Variants in GALNT3 observed in about 807,000 individuals in gnomAD.
GALNT3 encodes polypeptide N-acetylgalactosaminyltransferase 3, also known as GalNAc transferase 3.
In GALNT3, 51 loss-of-function variants were observed where a neutral mutation model predicts 69.8. The observed-to-expected ratio is 0.73, with a 90% CI of 0.58 to 0.92. The LOEUF is 0.92. Among genes scored for constraint, GALNT3 ranks in the 40% least tolerant of loss-of-function variants. GALNT3 has a pLI of 0.00. For synonymous variants in GALNT3, 265 were observed against 248.5 expected, an observed-to-expected ratio of 1.07 and a Z score of -0.63; for missense variants, 711 against 760.0, an observed-to-expected ratio of 0.94 and a Z score of 0.76.
At chr2:165,768,649 T>C (rs1359827124) in intron 2 of GALNT3, among the ~76,000 whole-genome samples, 2 of 152,204 alleles carry the variant, frequency 1.3e-5, no homozygotes, top group South Asian at 2.1e-4. Flanking sequence ...CCAGTATTGA[T>C]AATCCTAAAT....
intron 1 of GALNT3, 150 bp downstream of exon 1, chr2:165,793,865 G>A (rs1019460319): frequency 3.9e-5 from 6 of 152,642 alleles, no homozygotes; most frequent in African/African-American, 1.4e-4. Context: ...TCTCTCCAGG[G>A]GCAACCGACA....
chr2:165,774,909 C>CTTTTTTTTTTTTT (rs71031204), intron 1 of GALNT3, among the ~76,000 whole-genome samples: 9 of 104,366 alleles, frequency 8.6e-5, no homozygotes, highest in South Asian at 7.0e-4. Flanking sequence ...CTTCTTCTCT[C>CTTTTTTTTTTTTT]TTTTTTTTTT....
chr2:165,781,587 T>C (rs1236353147), intron 1 of GALNT3, among the ~76,000 whole-genome samples: 1 of 150,226 alleles, frequency 6.7e-6, no homozygotes, highest in Non-Finnish European at 1.5e-5. Context: ...AACAGAATGA[T>C]ACTCCCTCTC....
Position 165,754,942 on chromosome 2 carries a change from A to G in GALNT3, c.1514T>C (p.Ile505Thr). The G allele has an allele frequency of 6.2e-7, 1 of 1,613,542 alleles. No homozygotes were observed. The highest frequency in any genetic ancestry group is 8.5e-7 in the Non-Finnish European group (1 of 1,179,596). ...CAGGAAAATACTCACGTATCCAGAT[A>G]TAACAGGATTAAGGTCTGGCACATA... ...EVYVPDLNPV[I>T]SGYIKSVGQP... is the part of the protein sequence containing the mutation. The change falls in exon 8 of 11, where the codon ATA becomes ACA. Residue 505 changes from isoleucine to threonine, a missense_variant. Coordinates refer to ENST00000392701, the MANE Select transcript of GALNT3 (RefSeq NM_004482.4).
rs1390615563 is a variant in GALNT3, at chr2:165,770,288, T to C, written c.413A>G (p.Gln138Arg). The C allele has an allele frequency of 6.2e-7, 1 of 1,614,206 alleles. No individual in the cohort carries two copies. The highest frequency in any genetic ancestry group is 1.1e-5 in the South Asian group (1 of 91,076). Residue 138 changes from glutamine (Q) to arginine (R), a missense_variant, in exon 2 of 11, where the codon CAA (glutamine) becomes CGA (arginine). Transcript: ENST00000392701. The stretch of plus-strand genomic sequence containing the variant: ...AGCTTCCCCACGTTCCTTTTCCTTT[T>C]GCTCTTCAACACTTAAATTGGTTGT... ...FKTTNLSVEE[Q>R]KEKERGEAKH...
chr2:165,771,857 T>C (rs1688758803), intron 1 of GALNT3, among the ~76,000 whole-genome samples: 1 of 152,234 alleles, frequency 6.6e-6, no homozygotes, highest in African/African-American at 2.4e-5. Context: ...AACCAGGTTC[T>C]AAGATGGATT....
At chr2:165,776,306 T>G (rs560795474) in intron 1 of GALNT3, among the ~76,000 whole-genome samples, 2 of 152,252 alleles carry the variant, frequency 1.3e-5, no homozygotes, top group African/African-American at 2.4e-5. Context: ...CAACTTCCAG[T>G]TGGACTCAGA....
At chr2:165,758,155 G>A (rs1046555829) in intron 6 of GALNT3, among the ~76,000 whole-genome samples, 1 of 152,142 alleles carries the variant, frequency 6.6e-6, no homozygotes, top group African/African-American at 2.4e-5. Flanking sequence ...GTATGTGATG[G>A]AGCCAGAGCC....
intron 1 of GALNT3, among the ~76,000 whole-genome samples, chr2:165,778,685 G>A (rs993096534): frequency 5.3e-5 from 8 of 152,098 alleles, no homozygotes; most frequent in Non-Finnish European, 1.2e-4. Context: ...TTCATTCATG[G>A]GACTTACCAG....
chr2:165,780,481 G>A (rs765655819), intron 1 of GALNT3, among the ~76,000 whole-genome samples: 1 of 152,036 alleles, frequency 6.6e-6, no homozygotes, highest in East Asian at 1.9e-4. Context: ...CAACATGGTG[G>A]ACAACCATAT....
intron 7 of GALNT3, among the ~76,000 whole-genome samples, chr2:165,756,724 C>A (rs1688449163): frequency 6.6e-6 from 1 of 151,816 alleles, no homozygotes; most frequent in Admixed American, 6.6e-5. Flanking sequence ...CACTTAGAAC[C>A]TTTATTTAGG....
In GALNT3 at chr2:165,765,059, A is replaced by G. The variant is rs567711855; in HGVS notation, c.516-3T>C. 1.9e-6 allele frequency: 3 copies of G among 1,612,722 alleles called. No homozygotes were observed. The highest frequency in any genetic ancestry group is 1.7e-5 in the Admixed American group (1 of 60,022). Reference sequence around the variant, plus strand: ...GCTTAAATTTTTGTTCAATACATCTAGAAGAAGTCAGAGAAGTAGAAAAAC... The same window carrying G: ...GCTTAAATTTTTGTTCAATACATCTGGAAGAAGTCAGAGAAGTAGAAAAAC... On this transcript the variant is annotated splice_polypyrimidine_tract_variant and splice_region_variant and intron_variant, in intron 2 of 10. Coordinates refer to ENST00000392701, the MANE Select transcript of GALNT3 (RefSeq NM_004482.4).
chr2:165,767,778 C>T (rs1688669306), intron 2 of GALNT3, among the ~76,000 whole-genome samples: 1 of 150,748 alleles, frequency 6.6e-6, no homozygotes, highest in South Asian at 2.1e-4. Flanking sequence ...GAAACTAGGT[C>T]TATATTTCTA....
intron 1 of GALNT3, among the ~76,000 whole-genome samples, chr2:165,791,446 A>G (rs1410583115): frequency 6.6e-6 from 1 of 152,166 alleles, no homozygotes. Flanking sequence ...ATAAAATAAT[A>G]AAGAACATAC....
intron 6 of GALNT3, among the ~76,000 whole-genome samples, chr2:165,757,769 T>G (rs979389271): frequency 7.2e-5 from 11 of 152,168 alleles, no homozygotes; most frequent in Admixed American, 5.2e-4. Flanking sequence ...AAGTAGAGGA[T>G]GATTATTTAA....
chr2:165,768,792 CTTTTT>C (rs71028502), intron 2 of GALNT3, among the ~76,000 whole-genome samples: 6 of 126,226 alleles, frequency 4.8e-5, no homozygotes, highest in Admixed American at 8.0e-5. Flanking sequence ...ATCTTGTACT[CTTTTT>C]TTTTTTTTTT....
Position 165,774,012 on chromosome 2 carries a change from C to T in GALNT3, c.-108-3204G>A, listed in dbSNP as rs538015552. On this transcript the variant is annotated intron_variant, in intron 1 of 10. Transcript: ENST00000392701. ...GTAGTTGTAGTCATGCCTTCAAGAT[C>T]CTAAGGCTTAGGATTCAGGGCACTT... Among the ~76,000 whole-genome samples, 15 of 152,222 alleles carry T rather than the reference C, an allele frequency of 9.9e-5. No homozygotes were observed. In the East Asian group the frequency reaches 2.9e-3, roughly 29 times the overall value.
At chr2:165,767,073 A>G (rs1688656367) in intron 2 of GALNT3, among the ~76,000 whole-genome samples, 1 of 152,208 alleles carries the variant, frequency 6.6e-6, no homozygotes, top group Non-Finnish European at 1.5e-5. Context: ...TTTATTCTAA[A>G]TTGAATTTTG....
intron 5 of GALNT3, 104 bp downstream of exon 5, chr2:165,759,232 T>C (rs1218216666): frequency 1.1e-6 from 1 of 893,948 alleles, no homozygotes; most frequent in African/African-American, 1.7e-5. Flanking sequence ...ATGTGTGTTC[T>C]TTATCAATTA....
Sources: gnomAD v4.1 joint callset for allele counts (sites outside exome capture counted in the v4.1 genomes callset) on GRCh38, gnomAD v4.1.1 for gene constraint, MANE v1.5 for transcripts, NCBI Gene and HGNC (gene_info 2026-07-23, HGNC 2026-07-21) for gene names.